The following CCDC126 variants were observed in gnomAD, a reference collection of about 807,000 sequenced individuals.
CCDC126 encodes the protein coiled-coil domain containing 126, also known as coiled-coil domain-containing protein 126.
CCDC126 carries 5 observed loss-of-function variants against 11.7 expected under a neutral mutation model. The ratio of observed to expected loss-of-function variants is 0.43; its 90% CI spans 0.22 to 0.90. The LOEUF (loss-of-function observed/expected upper bound fraction) is 0.90, where lower values mean the gene tolerates loss of function less well. CCDC126 is among the 40% of genes least tolerant of loss of function. The pLI is 0.27. For missense variants in CCDC126, 150 were observed against 163.1 expected (o/e 0.92, Z 0.44); for synonymous variants, 60 against 61.9 (o/e 0.97, Z 0.14).
chr7:23,619,334 T>C (rs1782849209), intron 3 of CCDC126: 1 of 332,064 alleles, frequency 3.0e-6, no homozygotes. Flanking sequence ...GGCGTGACCA[T>C]AGGGAAGCAA....
At chr7:23,638,151 C>A (rs1415197004) in intron 3 of CCDC126, among the ~76,000 whole-genome samples, 1 of 150,388 alleles carries the variant, frequency 6.6e-6, no homozygotes, top group Non-Finnish European at 1.5e-5. Flanking sequence ...GGCGCTTCTG[C>A]CCGGCCGCCC....
chr7:23,626,868 G>T (rs182611021), intron 3 of CCDC126, among the ~76,000 whole-genome samples: 256 of 152,292 alleles, frequency 1.7e-3, no homozygotes, highest in African/African-American at 6.0e-3. Flanking sequence ...ATAATGACCT[G>T]TACATTTTGA....
chr7:23,611,403 C>T lies in CCDC126; in HGVS notation c.88C>T (p.Leu30=), dbSNP rs1782708324. 1 of 1,613,608 alleles carries T rather than the reference C, an allele frequency of 6.2e-7. No individual in the cohort carries two copies. The highest frequency in any genetic ancestry group is 1.1e-5 in the South Asian group (1 of 91,066). ...TGGACTCATTTGGGGATTGATGTTA[C>T]TGCACTATACTTTTCAACAACCAAG... is the stretch of plus-strand genomic sequence containing the variant. The part of the protein sequence containing the change: ...VFGLIWGLML[L]HYTFQQPRHQ... The change falls in exon 3 of 4, where the codon CTG becomes TTG. Residue 30 remains leucine, a synonymous_variant. Transcript: ENST00000307471.
chr7:23,643,043 C>T lies in CCDC126; in HGVS notation c.351C>T (p.Thr117=), dbSNP rs1783391911. The T allele has an allele frequency of 1.2e-6, 2 of 1,613,828 alleles. No homozygotes were observed. Among genetic ancestry groups the T allele is most frequent in the Non-Finnish European group, 1.7e-6 (2 of 1,179,896 alleles). Residue 117 remains threonine (T), a synonymous_variant, in exon 4 of 4, where the codon ACC becomes ACT. Coordinates refer to ENST00000307471, the MANE Select transcript of CCDC126 (RefSeq NM_138771.4). The stretch of plus-strand genomic sequence containing the variant: ...TGAATGGCTCAGCAGCCAACACCAC[C>T]AATGGTACTAGTGGGAATTTGGTGC... The part of the protein sequence containing the change: ...IVVNGSAANT[T]NGTSGNLVPV...
intron 3 of CCDC126, among the ~76,000 whole-genome samples, chr7:23,616,663 C>T (rs1476051716): frequency 6.6e-6 from 1 of 152,116 alleles, no homozygotes; most frequent in Non-Finnish European, 1.5e-5. Flanking sequence ...TTTTGAGAAG[C>T]TGATGCTCTT....
chr7:23,612,685 TA>T (rs1363478582), intron 3 of CCDC126, among the ~76,000 whole-genome samples: 6 of 151,786 alleles, frequency 4.0e-5, no homozygotes, highest in Non-Finnish European at 7.4e-5. Context: ...AAGAAAAGTC[TA>T]AAAAAATGAC....
At chr7:23,604,823 C>T (rs1418747771) in intron 2 of CCDC126, among the ~76,000 whole-genome samples, 8 of 151,698 alleles carry the variant, frequency 5.3e-5, no homozygotes, top group Admixed American at 4.6e-4. Flanking sequence ...GGTGAAACCC[C>T]GTCTCTACTA....
At chr7:23,638,018 C>T (rs1341326331) in intron 3 of CCDC126, among the ~76,000 whole-genome samples, 18 of 126,012 alleles carry the variant, frequency 1.4e-4, no homozygotes, top group Non-Finnish European at 2.1e-4. Flanking sequence ...GTGAGGAGCG[C>T]CTCTGCCCGG....
chr7:23,607,739 C>T (rs886485535), intron 2 of CCDC126, among the ~76,000 whole-genome samples: 16 of 152,172 alleles, frequency 1.1e-4, no homozygotes, highest in African/African-American at 3.6e-4. Flanking sequence ...AATACAGGGC[C>T]TAGCCTACCC....
intron 3 of CCDC126, among the ~76,000 whole-genome samples, chr7:23,637,121 T>G (rs1315003070): frequency 1.3e-4 from 6 of 47,966 alleles, no homozygotes; most frequent in Admixed American, 4.0e-4. Flanking sequence ...GTCCGGGAGG[T>G]GAGGGGCGCC....
intron 3 of CCDC126, among the ~76,000 whole-genome samples, chr7:23,640,229 G>T (rs896912166): frequency 6.6e-6 from 1 of 151,432 alleles, no homozygotes; most frequent in Non-Finnish European, 1.5e-5. Context: ...TGGGCATGGT[G>T]GCTTATGTCT....
chr7:23,618,675 C>G (rs973060595), intron 3 of CCDC126, among the ~76,000 whole-genome samples: 2 of 151,580 alleles, frequency 1.3e-5, no homozygotes, highest in African/African-American at 2.4e-5. Context: ...CTCAGCCTCC[C>G]GAGAACCTGG....
intron 3 of CCDC126, among the ~76,000 whole-genome samples, chr7:23,613,845 T>C (rs1359044550): frequency 6.6e-6 from 1 of 152,226 alleles, no homozygotes; most frequent in East Asian, 1.9e-4. Context: ...AAAAGTTAAG[T>C]TTACACTATA....
rs143825619 is a variant in CCDC126, at chr7:23,643,057, G to C, written c.365G>C (p.Gly122Ala). The change falls in exon 4 of 4, where the codon GGG becomes GCG. Residue 122 changes from glycine to alanine, a missense_variant. Physicochemically the swap from Gly to Ala is moderately conservative, Grantham distance 60. Transcript: ENST00000307471. ...GCCAACACCACCAATGGTACTAGTG[G>C]GAATTTGGTGCCAGTAACCACAAAT... ...SAANTTNGTS[G>A]NLVPVTTNKR... 1 of 1,614,042 alleles carries C rather than the reference G, an allele frequency of 6.2e-7. No individual in the cohort carries two copies. The highest frequency in any genetic ancestry group is 8.5e-7 in the Non-Finnish European group (1 of 1,180,030).
Position 23,611,267 on chromosome 7 carries a change from C to A in CCDC126, c.-49C>A. On this transcript the variant is annotated 5_prime_UTR_variant, in exon 3 of 4. Coordinates refer to ENST00000307471, the MANE Select transcript of CCDC126 (RefSeq NM_138771.4). ...TTTTCAAGTCTTGATTTGTGGCTTA[C>A]CTCAAGTTACCATTTTTCAGTCAAG... 8.7e-7 allele frequency: 1 copy of A among 1,146,280 alleles called. No individual in the cohort carries two copies. Among genetic ancestry groups the A allele is most frequent in the Non-Finnish European group, 1.3e-6 (1 of 765,020 alleles). The allele number at this position is 1,146,280 out of a possible 1,614,324, so 71.0% of individuals were successfully genotyped here.
intron 2 of CCDC126, among the ~76,000 whole-genome samples, chr7:23,605,864 G>T (rs572631469): frequency 6.6e-6 from 1 of 152,142 alleles, no homozygotes; most frequent in East Asian, 1.9e-4. Flanking sequence ...ATAATCCTAT[G>T]TTTAAGTTTT....
chr7:23,630,718 C>CAAAAAAA (rs775279967), intron 3 of CCDC126, among the ~76,000 whole-genome samples: 1 of 25,526 alleles, frequency 3.9e-5, no homozygotes, highest in Non-Finnish European at 7.2e-5. Flanking sequence ...GACCCTATCT[C>CAAAAAAA]AAAAAAAAAA....
rs375091194 is a variant in CCDC126 at position 23,612,325 on chromosome 7, C to T, written c.238+772C>T. Among the ~76,000 whole-genome samples, 116 of 150,556 alleles carry T rather than the reference C, an allele frequency of 7.7e-4. 1 individual carries two copies. Among genetic ancestry groups the T allele is most frequent in the African/African-American group, 1.8e-3 (73 of 40,994 alleles). On this transcript the variant is annotated intron_variant, in intron 3 of 3. Transcript: ENST00000307471. ...AAATACAAACAAAAAATCAGCTGGG[C>T]GTGGTGGCAGGTGCCTGTAATCCCA...
intron 3 of CCDC126, among the ~76,000 whole-genome samples, chr7:23,640,991 GGTTTTTTTT>G (rs1244322176): frequency 2.7e-5 from 3 of 111,000 alleles, no homozygotes; most frequent in Non-Finnish European, 5.3e-5. Context: ...GAATCCTTTT[GGTTTTTTTT>G]TTTTTTTTTT....
Sources: allele counts gnomAD v4.1 joint callset (sites outside exome capture counted in the v4.1 genomes callset), GRCh38; gene constraint gnomAD v4.1.1; transcripts MANE v1.5; gene names NCBI Gene and HGNC (gene_info 2026-07-23, HGNC 2026-07-21).